Variants in MYOM3 observed in about 807,000 individuals in gnomAD.
MYOM3 encodes myomesin-3.
Under a neutral mutation model 191.7 loss-of-function variants are expected in MYOM3, and 155 were observed. The ratio of observed to expected loss-of-function variants is 0.81; its 90% CI spans 0.71 to 0.92. The LOEUF (loss-of-function observed/expected upper bound fraction) is 0.92, where lower values mean the gene tolerates loss of function less well. MYOM3 is among the 40% of genes least tolerant of loss of function. MYOM3 has a pLI of 0.00. For synonymous variants in MYOM3, 757 were observed against 762.9 expected (o/e 0.99, Z 0.13); for missense variants, 1,889 against 1,890.6 (o/e 1.00, Z 0.02).
chr1:24,077,309 T>C (rs182632656), intron 20 of MYOM3, among the ~76,000 whole-genome samples: 2 of 152,334 alleles, frequency 1.3e-5, no homozygotes, highest in Admixed American at 6.5e-5. Flanking sequence ...TTTAGTGGCC[T>C]TCAGGGTCAA....
intron 5 of MYOM3, among the ~76,000 whole-genome samples, chr1:24,104,819 G>T (rs1445534613): frequency 7.2e-5 from 11 of 152,210 alleles, no homozygotes; most frequent in Non-Finnish European, 1.6e-4. Flanking sequence ...AAGTGCTGGA[G>T]GTGGGCCTGG....
intron 23 of MYOM3, among the ~76,000 whole-genome samples, chr1:24,072,926 G>T (rs557150588): frequency 6.6e-6 from 1 of 152,296 alleles, no homozygotes; most frequent in Admixed American, 6.5e-5. Flanking sequence ...AGTCAATATG[G>T]ACTGTGTGGA....
At chr1:24,095,219 C>CAA (rs1643872522) in intron 8 of MYOM3, among the ~76,000 whole-genome samples, 1 of 152,176 alleles carries the variant, frequency 6.6e-6, no homozygotes, top group South Asian at 2.1e-4. Context: ...CTTTGCCTTT[C>CAA]AAACCCAGTT....
At chr1:24,072,905 A>G (rs1039477503) in intron 23 of MYOM3, among the ~76,000 whole-genome samples, 4 of 152,188 alleles carry the variant, frequency 2.6e-5, no homozygotes, top group Admixed American at 2.6e-4. Context: ...TTTTGTACAC[A>G]GTAGGTGCTC....
intron 20 of MYOM3, among the ~76,000 whole-genome samples, chr1:24,077,876 C>T (rs1643621299): frequency 6.6e-6 from 1 of 152,224 alleles, no homozygotes; most frequent in African/African-American, 2.4e-5. Context: ...TAGGGGAAGA[C>T]CTCAAGGTCT....
In MYOM3 at chr1:24,061,012, T is replaced by C. The variant is rs1401986085; in HGVS notation, c.3994+48A>G. On this transcript the variant is annotated intron_variant, in intron 35 of 36. Transcript: ENST00000374434. The stretch of plus-strand genomic sequence containing the variant: ...CAAGAGGGTTGAGCTTCCAGGAAGT[T>C]TGCCCCAAATTCAGAAACAAAAACA... The C allele has an allele frequency of 1.1e-5, 17 of 1,611,478 alleles. 1 individual carries two copies. In the South Asian group the frequency reaches 1.5e-4, roughly 15 times the overall value.
rs958988368 is a variant in MYOM3 at position 24,057,300 on chromosome 1, C to G, written c.*64G>C. 4 of 1,541,848 alleles carry G rather than the reference C, an allele frequency of 2.6e-6. No homozygotes were observed. The African/African-American group carries it at 5.4e-5, about 21-fold the overall frequency. On this transcript the variant is annotated 3_prime_UTR_variant, in exon 37 of 37. Transcript: ENST00000374434. ...CTGTAGCCTGTGCCAGGCTGTGACC[C>G]TGGTACAGGTTGTCCCTACTGGTCC...
At chr1:24,090,210 G>A (rs1643799609) in intron 12 of MYOM3, 92 bp from the exon 13 acceptor site, 3 of 1,051,702 alleles carry the variant, frequency 2.9e-6, no homozygotes, top group Non-Finnish European at 4.4e-6. Context: ...GTCCTGCCCC[G>A]TCCCAGTCCT....
intron 19 of MYOM3, 26 bp from the exon 20 acceptor site, chr1:24,080,220 G>C: frequency 1.9e-6 from 3 of 1,580,852 alleles, no homozygotes; most frequent in Non-Finnish European, 2.6e-6. Flanking sequence ...GATGGGAAGA[G>C]ATGTGTGAGT....
intron 36 of MYOM3, among the ~76,000 whole-genome samples, chr1:24,058,153 C>T (rs1643326389): frequency 6.6e-6 from 1 of 152,162 alleles, no homozygotes; most frequent in Non-Finnish European, 1.5e-5. Flanking sequence ...AATCTCAGAC[C>T]ATAATTACTC....
chr1:24,066,886 T>A (rs1643442521), intron 28 of MYOM3, 135 bp downstream of exon 28: 4 of 794,058 alleles, frequency 5.0e-6, no homozygotes, highest in Non-Finnish European at 7.9e-6. Flanking sequence ...TCGGGGGTAC[T>A]TTCTGTGTGT....
At position 24,090,865 on chromosome 1, in the gene MYOM3, C is replaced by G. The variant is rs940151353; in HGVS notation, c.1364G>C (p.Ser455Thr). ...FRVRAISRVG[S>T]SVPSKASELV... ...CTCTGAGGCCTTGGAGGGGACGCTG[C>G]TGCCTACCCTGCTGATGGCTCTCAC... The change falls in exon 12 of 37, where the codon AGC becomes ACC. Residue 455 changes from serine to threonine, a missense_variant. Transcript: ENST00000374434. 3 of 1,614,038 alleles carry G rather than the reference C, an allele frequency of 1.9e-6. No individual in the cohort carries two copies. The highest frequency in any genetic ancestry group is 2.5e-6 in the Non-Finnish European group (3 of 1,180,018).
intron 20 of MYOM3, among the ~76,000 whole-genome samples, chr1:24,077,164 C>T (rs764527240): frequency 2.0e-5 from 3 of 152,150 alleles, no homozygotes; most frequent in Non-Finnish European, 2.9e-5. Flanking sequence ...CTCCAGGTCC[C>T]GTCCACGGTC....
intron 19 of MYOM3, 95 bp from the exon 20 acceptor site, chr1:24,080,289 G>T: frequency 1.0e-6 from 1 of 983,744 alleles, no homozygotes; most frequent in Non-Finnish European, 1.5e-6. Context: ...CAACAAGCTT[G>T]TCAATCCCTC....
At position 24,092,166 on chromosome 1, in the gene MYOM3, C is replaced by T. The variant is rs141676753; in HGVS notation, c.1232+8G>A. 6.5e-5 allele frequency: 94 copies of T among 1,449,426 alleles called. 1 individual carries two copies. The South Asian group carries it at 7.4e-4, about 11-fold the overall frequency. The allele number at this position is 1,449,426 out of a possible 1,614,324, so 89.8% of individuals were successfully genotyped here. ...CTAGGGCCTCTGCCACTCACGAGGT[C>T]GACTCACCGCTCAATGGTGTAGGCA... On this transcript the variant is annotated splice_region_variant and intron_variant, in intron 11 of 36. Coordinates refer to ENST00000374434, the MANE Select transcript of MYOM3 (RefSeq NM_152372.4).
intron 12 of MYOM3, 80 bp from the exon 13 acceptor site, chr1:24,090,198 GCGTCCTGCC>G: frequency 1.7e-6 from 2 of 1,177,280 alleles, no homozygotes; most frequent in Non-Finnish European, 2.5e-6. Flanking sequence ...ACCAGGGTCT[GCGTCCTGCC>G]CCGTCCCAGT....
At chr1:24,101,093 G>C (rs533491914) in intron 5 of MYOM3, among the ~76,000 whole-genome samples, 7 of 152,186 alleles carry the variant, frequency 4.6e-5, no homozygotes, top group African/African-American at 1.4e-4. Context: ...AACAGCAAGC[G>C]GGGACAAGAG....
Position 24,092,973 on chromosome 1 carries a change from T to C in MYOM3, c.1064A>G (p.Glu355Gly), listed in dbSNP as rs1643858014. ...VRVPSPFGPR[E>G]QSTYVLVRDA... is the part of the protein sequence containing the mutation. ...TCTCACAAGCACGTAGGTGCTCTGT[T>C]CCCGGGGTCCGAAGGGCGAGGGCAC... Residue 355 changes from glutamate (E) to glycine (G), a missense_variant, in exon 10 of 37, where the codon GAA becomes GGA. By Grantham distance (98) the Glu-to-Gly change is moderately conservative. Transcript: ENST00000374434. 1 of 1,602,480 alleles carries C rather than the reference T, an allele frequency of 6.2e-7. No homozygotes were observed. The highest frequency in any genetic ancestry group is 2.2e-5 in the East Asian group (1 of 44,580).
At chr1:24,071,877 CCTGG>C (rs1243242237) in intron 24 of MYOM3, 88 bp downstream of exon 24, 27 of 1,372,122 alleles carry the variant, frequency 2.0e-5, no homozygotes, top group Non-Finnish European at 2.7e-5. Flanking sequence ...GGGGTTGTTT[CCTGG>C]TCCTTGGCCT....
Sources: allele counts gnomAD v4.1 joint callset (sites outside exome capture counted in the v4.1 genomes callset), GRCh38; gene constraint gnomAD v4.1.1; transcripts MANE v1.5; gene names NCBI Gene and HGNC (gene_info 2026-07-23, HGNC 2026-07-21).